Variants in RGS1 observed in about 807,000 individuals in gnomAD.
RGS1 encodes regulator of G protein signaling 1, also known as B-cell activation protein BL34.
Under a neutral mutation model 22.2 loss-of-function variants are expected in RGS1, and 11 were observed. The observed-to-expected ratio is 0.50, with a 90% CI of 0.31 to 0.82. The LOEUF (loss-of-function observed/expected upper bound fraction) is 0.82. Ranked by LOEUF, RGS1 falls within the 40% of genes least tolerant of loss-of-function variation. RGS1 has a pLI of 0.04. For missense variants in RGS1, 255 were observed against 245.8 expected, an observed-to-expected ratio of 1.04 and a Z score of -0.25; for synonymous variants, 81 against 79.9, an observed-to-expected ratio of 1.01 and a Z score of -0.07.
intron 4 of RGS1, chr1:192,578,829 C>G (rs1309361668): frequency 2.7e-6 from 1 of 364,240 alleles, no homozygotes; most frequent in African/African-American, 2.1e-5. Flanking sequence ...TCCTGTAAAT[C>G]TTAAATGCCT....
Position 192,575,778 on chromosome 1 carries a change from T to C in RGS1, c.-15T>C, listed in dbSNP as rs1279413223. The C allele has an allele frequency of 6.2e-7, 1 of 1,612,892 alleles. No homozygotes were observed. Among genetic ancestry groups the C allele is most frequent in the Non-Finnish European group, 8.5e-7 (1 of 1,179,192 alleles). On this transcript the variant is annotated 5_prime_UTR_variant, in exon 1 of 5. Transcript: ENST00000367459. ...CAGCAGAGACGTTGACTAGCGCATATTTGCTAAGAGCACCATGCGCGCAGC... is the reference window on the plus strand; with the variant it reads ...CAGCAGAGACGTTGACTAGCGCATACTTGCTAAGAGCACCATGCGCGCAGC...
In RGS1 at chr1:192,576,381, C is replaced by T. The variant is rs1317431544; in HGVS notation, c.218+16C>T. 2 of 1,538,020 alleles carry T rather than the reference C, an allele frequency of 1.3e-6. No individual in the cohort carries two copies. The highest frequency in any genetic ancestry group is 2.3e-5 in the East Asian group (1 of 44,384). ...CCAAGGATGTGTAAGTACACTAATA[C>T]ACTAAACTATCATTATCATTTACAA... On this transcript the variant is annotated intron_variant, in intron 2 of 4. Transcript: ENST00000367459.
intron 1 of RGS1, 45 bp downstream of exon 1, chr1:192,575,974 C>G: frequency 6.2e-7 from 1 of 1,602,792 alleles, no homozygotes. Flanking sequence ...AACAAGTTAT[C>G]TTTAATGGCA....
chr1:192,576,218 CTA>C (rs1454465391), intron 1 of RGS1, 65 bp from the exon 2 acceptor site: 10 of 1,295,660 alleles, frequency 7.7e-6, no homozygotes, highest in Admixed American at 7.3e-5. Flanking sequence ...GAAATTTATT[CTA>C]TGTCTTTTTA....
Position 192,575,865 on chromosome 1 carries a change from G to C in RGS1, c.73G>C (p.Glu25Gln). 6.2e-7 allele frequency: 1 copy of C among 1,613,292 alleles called. No homozygotes were observed. The highest frequency in any genetic ancestry group is 8.5e-7 in the Non-Finnish European group (1 of 1,179,476). The change falls in exon 1 of 5, where the codon GAA (glutamate) becomes CAA (glutamine). Residue 25 changes from glutamate (E) to glutamine (Q), a missense_variant. By Grantham distance (29) the Glu-to-Gln change is conservative. Transcript: ENST00000367459. The part of the protein sequence containing the change: ...PGMFFSANPK[E>Q]LKGTTHSLLD... ...AATGTTCTTCTCTGCTAACCCAAAG[G>C]AATTGAAAGGAACCACTCATTCACT...
intron 1 of RGS1, 101 bp downstream of exon 1, chr1:192,576,030 C>G: frequency 7.1e-7 from 1 of 1,408,362 alleles, no homozygotes; most frequent in Middle Eastern, 1.9e-4. Context: ...TTTAGTTTAG[C>G]CAGATCAGAG....
chr1:192,578,935 T>C (rs1315449067), intron 4 of RGS1: 5 of 547,048 alleles, frequency 9.1e-6, no homozygotes, highest in Non-Finnish European at 1.6e-5. Flanking sequence ...ATGAGGAAAT[T>C]TGGAACAAAG....
intron 1 of RGS1, 169 bp from the exon 2 acceptor site, chr1:192,576,116 G>T (rs370253121): frequency 5.5e-6 from 5 of 914,900 alleles, no homozygotes; most frequent in Admixed American, 5.7e-5. Context: ...GCATTAAATT[G>T]GGTAGGAGTT....
chr1:192,577,615 G>C (rs1283392721), intron 3 of RGS1: 1 of 152,722 alleles, frequency 6.5e-6, no homozygotes, highest in Non-Finnish European at 1.5e-5. Flanking sequence ...GCTTTACTTG[G>C]GAATCACATT....
In RGS1 at chr1:192,576,855, G is replaced by A. The variant is rs944273254; in HGVS notation, c.280+20G>A. On this transcript the variant is annotated intron_variant, in intron 3 of 4. Coordinates refer to ENST00000367459, the MANE Select transcript of RGS1 (RefSeq NM_002922.4). ...ACCAAAGTAAGTATAACTATTGAAT[G>A]TTTCTGGGTTCAGCTAAATACTCTA... is the stretch of plus-strand genomic sequence containing the variant. 2.5e-6 allele frequency: 4 copies of A among 1,602,270 alleles called. No homozygotes were observed. The African/African-American group carries it at 4.0e-5, about 16-fold the overall frequency.
intron 4 of RGS1, 192 bp from the exon 5 acceptor site, chr1:192,578,945 G>T (rs1662113383): frequency 5.3e-6 from 3 of 564,702 alleles, no homozygotes; most frequent in Non-Finnish European, 9.0e-6. Context: ...TTGGAACAAA[G>T]ACATTTTTGT....
chr1:192,576,485 A>T (rs1035263429), intron 2 of RGS1, 120 bp downstream of exon 2: 2 of 719,208 alleles, frequency 2.8e-6, no homozygotes, highest in South Asian at 3.8e-5. Context: ...TTTAAGTAAC[A>T]TGCCAAATAA....
intron 4 of RGS1, chr1:192,578,854 GA>G (rs1157808754): frequency 2.5e-6 from 1 of 404,326 alleles, no homozygotes; most frequent in Admixed American, 4.1e-5. Flanking sequence ...CACTCTTTAT[GA>G]TACATGGATC....
Position 192,575,801 on chromosome 1 carries a change from A to C in RGS1, c.9A>C (p.Ala3=). The change falls in exon 1 of 5, where the codon GCA becomes GCC. Residue 3 remains alanine (A), a synonymous_variant. Coordinates refer to ENST00000367459, the MANE Select transcript of RGS1 (RefSeq NM_002922.4). MR[A]AAISTPKLDK... ...TATTTGCTAAGAGCACCATGCGCGC[A>C]GCAGCCATCTCCACTCCAAAGTTAG... The C allele has an allele frequency of 6.2e-7, 1 of 1,613,222 alleles. No homozygotes were observed. Among genetic ancestry groups the C allele is most frequent in the East Asian group, 2.2e-5 (1 of 44,866 alleles).
rs776826374 is a variant in RGS1, at chr1:192,579,350, G to A, written c.*28G>A. ...GGTCCCTGGCTGAAGGGAATTAACA[G>A]ATAGTATCAAGCGCAGAAGGAATGT... On this transcript the variant is annotated 3_prime_UTR_variant, in exon 5 of 5. Coordinates refer to ENST00000367459, the MANE Select transcript of RGS1 (RefSeq NM_002922.4). The A allele has an allele frequency of 3.1e-6, 5 of 1,606,340 alleles. No homozygotes were observed. In the South Asian group the frequency reaches 5.5e-5, roughly 18 times the overall value.
intron 4 of RGS1, chr1:192,578,658 G>T (rs1423907260): frequency 1.8e-5 from 9 of 512,528 alleles, no homozygotes; most frequent in Admixed American, 7.4e-5. Flanking sequence ...GACCAGAACT[G>T]CATGTCAGGG....
chr1:192,578,451 A>T, intron 4 of RGS1, 66 bp downstream of exon 4: 1 of 1,548,210 alleles, frequency 6.5e-7, no homozygotes, highest in Non-Finnish European at 8.8e-7. Context: ...ATAACATTTA[A>T]TATATACAAC....
intron 2 of RGS1, 75 bp from the exon 3 acceptor site, chr1:192,576,699 G>A (rs1331794095): frequency 6.3e-6 from 8 of 1,262,300 alleles, no homozygotes; most frequent in Non-Finnish European, 4.5e-6. Flanking sequence ...TTATCAAAGT[G>A]TAACAGCCAT....
chr1:192,576,030 C>A (rs557317509), intron 1 of RGS1, 101 bp downstream of exon 1: 11 of 1,408,360 alleles, frequency 7.8e-6, no homozygotes, highest in South Asian at 1.3e-5. Context: ...TTTAGTTTAG[C>A]CAGATCAGAG....
Sources: allele counts gnomAD v4.1 joint callset, GRCh38; gene constraint gnomAD v4.1.1; transcripts MANE v1.5; gene names NCBI Gene and HGNC (gene_info 2026-07-23, HGNC 2026-07-21).